Variants in HIPK2 observed in about 807,000 individuals in gnomAD.
HIPK2 encodes homeodomain-interacting protein kinase 2.
A neutral mutation model predicts 113.7 loss-of-function variants in HIPK2; 27 were observed. The observed-to-expected ratio is 0.24, with a 90% CI of 0.17 to 0.33. The LOEUF is 0.33. HIPK2 is among the 10% of genes least tolerant of loss of function. The probability of loss-of-function intolerance (pLI) is 1.00; values close to 1 mark genes in which losing one functional copy is unlikely to be tolerated. For missense variants in HIPK2, 1,257 were observed against 1,588.0 expected (o/e 0.79, Z 3.54); for synonymous variants, 631 against 642.2 (o/e 0.98, Z 0.26).
intron 2 of HIPK2, among the ~76,000 whole-genome samples, chr7:139,689,274 T>A (rs1321842115): frequency 1.3e-5 from 2 of 152,142 alleles, no homozygotes; most frequent in Non-Finnish European, 2.9e-5. Context: ...CATATTTTGT[T>A]GGCGTTAACA....
intron 1 of HIPK2, among the ~76,000 whole-genome samples, chr7:139,751,609 T>C (rs1051661172): frequency 8.6e-5 from 13 of 151,944 alleles, no homozygotes; most frequent in Admixed American, 7.2e-4. Flanking sequence ...GATGGATGGA[T>C]GGATGGATGG....
chr7:139,624,772 T>G (rs1007716870), intron 6 of HIPK2, among the ~76,000 whole-genome samples: 11 of 152,218 alleles, frequency 7.2e-5, no homozygotes, highest in Non-Finnish European at 8.8e-5. Flanking sequence ...TCAATCTGTC[T>G]TCTTCTCTTA....
intron 1 of HIPK2, among the ~76,000 whole-genome samples, chr7:139,749,982 T>A (rs1052117444): frequency 6.6e-6 from 1 of 152,192 alleles, no homozygotes; most frequent in Non-Finnish European, 1.5e-5. Flanking sequence ...TCCTGACAGC[T>A]GGGAGAACAT....
At chr7:139,643,678 A>T (rs1250895574) in intron 2 of HIPK2, among the ~76,000 whole-genome samples, 1 of 152,188 alleles carries the variant, frequency 6.6e-6, no homozygotes, top group Non-Finnish European at 1.5e-5. Flanking sequence ...ATCCACCTAA[A>T]CGATATTGAC....
chr7:139,708,825 G>A (rs1377720958), intron 2 of HIPK2, among the ~76,000 whole-genome samples: 1 of 152,124 alleles, frequency 6.6e-6, no homozygotes, highest in African/African-American at 2.4e-5. Flanking sequence ...TCAGCTTCTT[G>A]GTCACCATGG....
intron 7 of HIPK2, 40 bp downstream of exon 7, chr7:139,620,359 CTG>C (rs1800192580): frequency 1.9e-6 from 3 of 1,609,616 alleles, no homozygotes; most frequent in South Asian, 1.1e-5. Flanking sequence ...GAGGCTCACA[CTG>C]TGCAGCCCCG....
rs1799908530 is a variant in HIPK2 at position 139,613,401 on chromosome 7, A to C, written c.1991-78T>G. The stretch of plus-strand genomic sequence containing the variant: ...CTGGATGAAAAGAACCTTCCTGGGC[A>C]GTTATGTCAACTTTCTGCTTCCCTT... On this transcript the variant is annotated intron_variant, in intron 8 of 14. Transcript: ENST00000406875. The surrounding 1 kb of genome is among the most constrained non-coding windows in gnomAD (Gnocchi z 4.2). 1.3e-6 allele frequency: 2 copies of C among 1,544,142 alleles called. No homozygotes were observed. The highest frequency in any genetic ancestry group is 1.9e-5 in the Admixed American group (1 of 52,476).
rs1407377097 is a variant in HIPK2, at chr7:139,634,674, G to GTTTTTTTTGT, written c.1104-2950_1104-2949insACAAAAAAAA. On this transcript the variant is annotated intron_variant, in intron 2 of 14. Transcript: ENST00000406875. ...AAAAAGAAGGGACTATCTGTTTCAG[G>GTTTTTTTTGT]TTTTTTTTTTTTTTTTTTTTTGAGA... Among the ~76,000 whole-genome samples the GTTTTTTTTGT allele has an allele frequency of 3.3e-4, 37 of 113,664 alleles. 1 individual carries two copies. Among genetic ancestry groups the GTTTTTTTTGT allele is most frequent in the African/African-American group, 1.4e-3 (35 of 24,852 alleles). 74.6% of individuals were successfully genotyped at this position (113,664 alleles called of 152,430 possible). A position where few individuals can be genotyped will look rare whatever the true frequency, so the allele number is the denominator to read the frequency against.
intron 2 of HIPK2, among the ~76,000 whole-genome samples, chr7:139,640,098 C>T (rs891110911): frequency 2.0e-5 from 3 of 152,154 alleles, no homozygotes; most frequent in Non-Finnish European, 4.4e-5. Flanking sequence ...TAAAGAATCG[C>T]CTCATTACTA....
At chr7:139,661,239 A>C (rs1485122932) in intron 2 of HIPK2, among the ~76,000 whole-genome samples, 1 of 152,200 alleles carries the variant, frequency 6.6e-6, no homozygotes, top group Non-Finnish European at 1.5e-5. Flanking sequence ...TTAACACACT[A>C]GAAACCCTGG....
chr7:139,738,456 T>C (rs1017130721), intron 1 of HIPK2, among the ~76,000 whole-genome samples: 3 of 152,236 alleles, frequency 2.0e-5, no homozygotes, highest in African/African-American at 7.2e-5. Flanking sequence ...ATGTAAAGTT[T>C]TGTTTAGTTT....
chr7:139,730,364 CTTT>C (rs762755336), intron 1 of HIPK2, among the ~76,000 whole-genome samples: 1 of 144,546 alleles, frequency 6.9e-6, no homozygotes, highest in Non-Finnish European at 1.5e-5. Flanking sequence ...TTTTTTCTCT[CTTT>C]TTTTTTTTTT....
Position 139,777,669 on chromosome 7 carries a change from G to A in HIPK2, c.-46C>T. On this transcript the variant is annotated 5_prime_UTR_variant, in exon 1 of 15. Transcript: ENST00000406875. ...TTCATGGCAACGGGGACGGGAAAGC[G>A]GCGCGCGAGCTCGGCCCCCCCAGCC... is the stretch of plus-strand genomic sequence containing the variant. 9.1e-7 allele frequency: 1 copy of A among 1,098,690 alleles called. No homozygotes were observed. Among genetic ancestry groups the A allele is most frequent in the Non-Finnish European group, 1.1e-6 (1 of 901,098 alleles). The allele number at this position is 1,098,690 out of a possible 1,614,324, so 68.1% of individuals were successfully genotyped here. A position where few individuals can be genotyped will look rare whatever the true frequency, so the allele number is the denominator to read the frequency against.
At chr7:139,767,816 G>A (rs1206199145) in intron 1 of HIPK2, among the ~76,000 whole-genome samples, 1 of 152,256 alleles carries the variant, frequency 6.6e-6, no homozygotes, top group Non-Finnish European at 1.5e-5. Flanking sequence ...TTGAAGCAAG[G>A]TGTCCCCTTA....
intron 1 of HIPK2, among the ~76,000 whole-genome samples, chr7:139,743,437 C>T (rs967925661): frequency 2.6e-5 from 4 of 152,314 alleles, no homozygotes; most frequent in South Asian, 2.1e-4. Context: ...TTGGAAAATC[C>T]GCTGCTCATC....
At chr7:139,602,002 G>T (rs1185195392) in intron 10 of HIPK2, among the ~76,000 whole-genome samples, 3 of 148,388 alleles carry the variant, frequency 2.0e-5, no homozygotes, top group African/African-American at 7.5e-5. Context: ...GCCCAGGCTG[G>T]AGTGCAGTGG....
Position 139,587,307 on chromosome 7 carries a change from T to C in HIPK2, c.2718-3243A>G, listed in dbSNP as rs145547006. Reference sequence around the variant, plus strand: ...AAGTTTGAGATCAGCCTGACCAACATGGTGAAAATCCGTCTCTACTAAAAA... The same window carrying C: ...AAGTTTGAGATCAGCCTGACCAACACGGTGAAAATCCGTCTCTACTAAAAA... On this transcript the variant is annotated intron_variant, in intron 12 of 14. Transcript: ENST00000406875. Among the ~76,000 whole-genome samples the C allele has an allele frequency of 5.1e-3, 749 of 148,222 alleles. 7 individuals carry two copies. Among genetic ancestry groups the C allele is most frequent in the African/African-American group, 0.017 (701 of 40,214 alleles).
At chr7:139,677,609 A>G (rs549698899) in intron 2 of HIPK2, among the ~76,000 whole-genome samples, 10 of 152,230 alleles carry the variant, frequency 6.6e-5, no homozygotes, top group African/African-American at 2.2e-4. Context: ...AAGTTCTGGG[A>G]TACATGTGCA....
chr7:139,753,787 T>G (rs1028171361), intron 1 of HIPK2, among the ~76,000 whole-genome samples: 1 of 152,238 alleles, frequency 6.6e-6, no homozygotes, highest in African/African-American at 2.4e-5. Flanking sequence ...GCCAACGCCC[T>G]GACCCAGTAC....
Sources: allele counts gnomAD v4.1 joint callset (sites outside exome capture counted in the v4.1 genomes callset), GRCh38; gene constraint gnomAD v4.1.1; non-coding constraint Gnocchi (gnomAD v3.1); transcripts MANE v1.5; gene names NCBI Gene and HGNC (gene_info 2026-07-23, HGNC 2026-07-21).